S100PBP: variants seen among roughly 807,000 people sequenced by gnomAD.
S100PBP encodes S100P binding protein.
S100PBP carries 15 observed loss-of-function variants against 39.9 expected under a neutral mutation model. The observed-to-expected ratio is 0.38, with a 90% CI of 0.25 to 0.58. The LOEUF (loss-of-function observed/expected upper bound fraction) is 0.58, where lower values mean the gene tolerates loss of function less well. Ranked by LOEUF, S100PBP falls within the 20% of genes least tolerant of loss-of-function variation. S100PBP has a pLI of 0.70. For synonymous variants in S100PBP, 178 were observed against 180.3 expected (o/e 0.99, Z 0.10); for missense variants, 504 against 487.3 (o/e 1.03, Z -0.32).
chr1:32,829,520 T>G (rs1218146786), intron 4 of S100PBP, among the ~76,000 whole-genome samples: 1 of 152,182 alleles, frequency 6.6e-6, no homozygotes, highest in African/African-American at 2.4e-5. Flanking sequence ...TGGAATACAG[T>G]GGTGTGATCA....
At position 32,826,479 on chromosome 1, in the gene S100PBP, C is replaced by T. The variant is rs755489132; in HGVS notation, c.380C>T (p.Pro127Leu). 6.8e-6 allele frequency: 11 copies of T among 1,614,066 alleles called. No homozygotes were observed. The highest frequency in any genetic ancestry group is 9.3e-6 in the Non-Finnish European group (11 of 1,180,026). ...PQLSTSSGHGPAHTKPLNRRS... is the reference protein window; with the variant it reads ...PQLSTSSGHGLAHTKPLNRRS... ...CTAAGTACATCAAGTGGTCATGGAC[C>T]AGCTCATACTAAACCATTAAACAGA... is the stretch of plus-strand genomic sequence containing the variant. The change falls in exon 3 of 7, where the codon CCA becomes CTA. Residue 127 changes from proline to leucine, a missense_variant. By Grantham distance (98) the Pro-to-Leu change is moderately conservative (BLOSUM62 -3). Coordinates refer to ENST00000373475, the MANE Select transcript of S100PBP (RefSeq NM_022753.4).
intron 5 of S100PBP, among the ~76,000 whole-genome samples, chr1:32,850,903 C>T (rs952917582): frequency 2.6e-5 from 4 of 152,216 alleles, no homozygotes; most frequent in Admixed American, 2.0e-4. Context: ...ACAGGATTTG[C>T]AGAGTCTTTG....
At chr1:32,843,898 C>G (rs1640232868) in intron 5 of S100PBP, among the ~76,000 whole-genome samples, 2 of 151,288 alleles carry the variant, frequency 1.3e-5, no homozygotes, top group African/African-American at 4.9e-5. Context: ...GAGATCTTTT[C>G]CCATCCCCTT....
At chr1:32,829,402 C>T (rs993985017) in intron 4 of S100PBP, among the ~76,000 whole-genome samples, 2 of 152,190 alleles carry the variant, frequency 1.3e-5, no homozygotes, top group Non-Finnish European at 2.9e-5. Context: ...TAGTAATCTT[C>T]ACCTTTCTAT....
intron 5 of S100PBP, chr1:32,852,808 A>G (rs1046118081): frequency 8.3e-6 from 3 of 360,950 alleles, no homozygotes; most frequent in African/African-American, 4.2e-5. Flanking sequence ...GTTCACTGCC[A>G]TATTCCTAGG....
chr1:32,817,061 C>A, upstream of S100PBP: 2 of 1,210,648 alleles, frequency 1.7e-6, no homozygotes, highest in South Asian at 2.4e-5. Context: ...GATCTACAGG[C>A]TCTCTCAGAG....
In S100PBP at chr1:32,827,973, ATTCC is replaced by A; in HGVS notation, c.832-17_832-14del. 6.5e-7 allele frequency: 1 copy of A among 1,541,750 alleles called. No individual in the cohort carries two copies. Among genetic ancestry groups the A allele is most frequent in the Non-Finnish European group, 8.9e-7 (1 of 1,119,806 alleles). ...AACTAAGAATCACCTTTCCTTTTGCATTCCTTTTCCTCAAAAAAGCAGGATGTTC... is the reference window on the plus strand; with the variant it reads ...AACTAAGAATCACCTTTCCTTTTGCATTTTCCTCAAAAAAGCAGGATGTTC... On this transcript the variant is annotated splice_polypyrimidine_tract_variant and intron_variant, in intron 3 of 6. Coordinates refer to ENST00000373475, the MANE Select transcript of S100PBP (RefSeq NM_022753.4).
chr1:32,835,635 A>G (rs765772483), intron 5 of S100PBP: 1 of 152,150 alleles, frequency 6.6e-6, no homozygotes, highest in East Asian at 1.9e-4. Flanking sequence ...GATACCTTTT[A>G]TAAGTGGAAT....
chr1:32,848,406 G>T (rs1246112992), intron 5 of S100PBP, among the ~76,000 whole-genome samples: 2 of 152,162 alleles, frequency 1.3e-5, no homozygotes. Flanking sequence ...CTGCTATTTA[G>T]CTATCTCAAG....
chr1:32,851,059 T>C (rs1640588545), intron 5 of S100PBP, among the ~76,000 whole-genome samples: 1 of 152,206 alleles, frequency 6.6e-6, no homozygotes, highest in Non-Finnish European at 1.5e-5. Flanking sequence ...CTGCTTTTCA[T>C]AGATGAGTAG....
intron 5 of S100PBP, among the ~76,000 whole-genome samples, chr1:32,842,113 C>G (rs1348178842): frequency 1.4e-5 from 2 of 145,098 alleles, no homozygotes; most frequent in East Asian, 4.2e-4. Flanking sequence ...TGCTTAAGCC[C>G]AGAAGAGGGA....
At position 32,830,059 on chromosome 1, in the gene S100PBP, C is replaced by G. The variant is rs774895916; in HGVS notation, c.1016C>G (p.Thr339Ser). 11 of 1,598,666 alleles carry G rather than the reference C, an allele frequency of 6.9e-6. No homozygotes were observed. In the South Asian group the frequency reaches 1.1e-4, roughly 16 times the overall value. ...GCTCATATAGAAGACCCAGAGGACA[C>G]TAACCAAGGTAACATGGTACCCAGA... is the stretch of plus-strand genomic sequence containing the variant. ...VIAHIEDPED[T>S]NQGISGELCA... The change falls in exon 5 of 7, where the codon ACT becomes AGT. Residue 339 changes from threonine (T) to serine (S), a missense_variant. Coordinates refer to ENST00000373475, the MANE Select transcript of S100PBP (RefSeq NM_022753.4).
At chr1:32,838,226 C>T (rs948384401) in intron 5 of S100PBP, among the ~76,000 whole-genome samples, 1 of 150,406 alleles carries the variant, frequency 6.6e-6, no homozygotes, top group African/African-American at 2.4e-5. Context: ...CTCAGCTACT[C>T]GAGAGGCTGA....
upstream of S100PBP, chr1:32,816,879 G>A: frequency 1.8e-6 from 1 of 547,340 alleles, no homozygotes; most frequent in Non-Finnish European, 3.3e-6. Flanking sequence ...GGCCCTTGAC[G>A]TATCCCCAGC....
At chr1:32,821,160 C>T (rs1232974015) in intron 1 of S100PBP, among the ~76,000 whole-genome samples, 1 of 151,608 alleles carries the variant, frequency 6.6e-6, no homozygotes, top group Non-Finnish European at 1.5e-5. Context: ...AAAACATTGG[C>T]CGGGCGCGGT....
At chr1:32,819,606 T>C (rs1638949352) in intron 1 of S100PBP, among the ~76,000 whole-genome samples, 1 of 152,000 alleles carries the variant, frequency 6.6e-6, no homozygotes, top group Admixed American at 6.6e-5. Context: ...TCCCCATATT[T>C]TAAGTGGAGG....
chr1:32,832,906 T>C (rs922152285), intron 5 of S100PBP, among the ~76,000 whole-genome samples: 2 of 152,190 alleles, frequency 1.3e-5, no homozygotes, highest in Non-Finnish European at 2.9e-5. Context: ...ATTATTGATG[T>C]AGAATGTAAC....
At chr1:32,840,146 C>A (rs1483554725) in intron 5 of S100PBP, among the ~76,000 whole-genome samples, 1 of 152,016 alleles carries the variant, frequency 6.6e-6, no homozygotes, top group Non-Finnish European at 1.5e-5. Context: ...CCACCATATC[C>A]GGCTAATTTT....
At chr1:32,824,899 T>C (rs1202130264) in intron 1 of S100PBP, 1 of 150,764 alleles carries the variant, frequency 6.6e-6, no homozygotes, top group East Asian at 1.9e-4. Flanking sequence ...GGTGGAACCT[T>C]AGACATTGCC....
Sources: allele counts gnomAD v4.1 joint callset (sites outside exome capture counted in the v4.1 genomes callset), GRCh38; gene constraint gnomAD v4.1.1; transcripts MANE v1.5; gene names NCBI Gene and HGNC (gene_info 2026-07-23, HGNC 2026-07-21).